The following IL1RAPL1 variants were observed in gnomAD, a reference collection of about 807,000 sequenced individuals.
IL1RAPL1 encodes interleukin 1 receptor accessory protein like 1, also known as interleukin-1 receptor accessory protein-like 1.
A neutral mutation model predicts 48.4 loss-of-function variants in IL1RAPL1; 3 were observed. That is an observed-to-expected ratio of 0.06 (90% CI 0.03 to 0.16). The LOEUF is 0.16. Ranked by LOEUF, IL1RAPL1 falls within the 10% of genes least tolerant of loss-of-function variation. The probability of loss-of-function intolerance (pLI) is 1.00; values close to 1 mark genes in which losing one functional copy is unlikely to be tolerated. For missense variants in IL1RAPL1, 349 were observed against 530.6 expected, an observed-to-expected ratio of 0.66 and a Z score of 3.36; for synonymous variants, 185 against 187.7, an observed-to-expected ratio of 0.99 and a Z score of 0.12.
chrX:29,485,453 A>G (rs1216466309), intron 5 of IL1RAPL1, among the ~76,000 whole-genome samples: 1 of 111,600 alleles, frequency 9.0e-6, no homozygotes, highest in Non-Finnish European at 1.9e-5. Context: ...ACACCTCTGC[A>G]AGGTATGTAG....
chrX:29,757,151 C>T (rs1928638515), intron 6 of IL1RAPL1, among the ~76,000 whole-genome samples: 1 of 112,335 alleles, frequency 8.9e-6, no homozygotes, highest in African/African-American at 3.2e-5. Context: ...TTCTTTGCTA[C>T]TGCAGGCCCA....
intron 2 of IL1RAPL1, among the ~76,000 whole-genome samples, chrX:28,950,813 A>C (rs1351954739): frequency 3.7e-5 from 4 of 108,071 alleles, no homozygotes; most frequent in Non-Finnish European, 7.7e-5. Flanking sequence ...CTATAAAGAC[A>C]CATGCACATG....
At chrX:29,677,925 C>T (rs937178828) in intron 6 of IL1RAPL1, among the ~76,000 whole-genome samples, 4 of 111,507 alleles carry the variant, frequency 3.6e-5, no homozygotes, top group African/African-American at 1.3e-4. Flanking sequence ...CCTTATCTGC[C>T]TTGGTTTTGT....
At chrX:29,236,814 C>T (rs1247719550) in intron 2 of IL1RAPL1, among the ~76,000 whole-genome samples, 2 of 107,592 alleles carry the variant, frequency 1.9e-5, no homozygotes, top group African/African-American at 6.8e-5. Context: ...CATGATCTGC[C>T]CACCTTGGCC....
At chrX:29,222,028 A>C (rs766679195) in intron 2 of IL1RAPL1, among the ~76,000 whole-genome samples, 1 of 108,964 alleles carries the variant, frequency 9.2e-6, no homozygotes, top group East Asian at 2.9e-4. Flanking sequence ...AAAAAAAAAA[A>C]AAAAAACCTG....
chrX:29,386,570 G>T (rs1933780918), intron 3 of IL1RAPL1, among the ~76,000 whole-genome samples: 1 of 103,594 alleles, frequency 9.7e-6, no homozygotes, highest in African/African-American at 3.6e-5. Flanking sequence ...TTGAGACAGG[G>T]TCTCATTCTT....
At chrX:28,645,286 G>A (rs1934594125) in intron 1 of IL1RAPL1, among the ~76,000 whole-genome samples, 2 of 99,951 alleles carry the variant, frequency 2.0e-5, no homozygotes, top group Admixed American at 1.1e-4. Flanking sequence ...GGTGGAGGTC[G>A]TGGTGGGCTG....
chrX:29,757,055 G>A (rs981160353), intron 6 of IL1RAPL1, among the ~76,000 whole-genome samples: 1 of 111,900 alleles, frequency 8.9e-6, no homozygotes, highest in Admixed American at 9.5e-5. Context: ...AGGGATCGTG[G>A]TTCCGCCAAC....
At chrX:28,937,205 T>C (rs190523899) in intron 2 of IL1RAPL1, among the ~76,000 whole-genome samples, 2 of 111,809 alleles carry the variant, frequency 1.8e-5, no homozygotes, top group East Asian at 5.6e-4. Flanking sequence ...TGTTACCGTT[T>C]CTATTGAATA....
chrX:28,988,371 G>C (rs1346018398), intron 2 of IL1RAPL1, among the ~76,000 whole-genome samples: 1 of 110,604 alleles, frequency 9.0e-6, no homozygotes, highest in African/African-American at 3.3e-5. Context: ...TTTTCTTCCA[G>C]TCCACTGTTT....
At chrX:28,645,215 C>T (rs1410366269) in intron 1 of IL1RAPL1, among the ~76,000 whole-genome samples, 5 of 107,134 alleles carry the variant, frequency 4.7e-5, no homozygotes, top group Admixed American at 1.0e-4. Context: ...GGTATGGTGG[C>T]GTGCTCCTGT....
At chrX:28,811,005 C>T (rs184760129) in intron 2 of IL1RAPL1, among the ~76,000 whole-genome samples, 2 of 109,757 alleles carry the variant, frequency 1.8e-5, no homozygotes, top group East Asian at 5.7e-4. Context: ...AAAATTAACC[C>T]CAGCATTCTT....
chrX:29,541,000 C>T (rs1921420309), intron 5 of IL1RAPL1, among the ~76,000 whole-genome samples: 1 of 111,896 alleles, frequency 8.9e-6, no homozygotes, highest in Admixed American at 9.5e-5. Flanking sequence ...AGACAACCTA[C>T]AGAATGGGAG....
chrX:28,979,382 G>A (rs1470936006), intron 2 of IL1RAPL1, among the ~76,000 whole-genome samples: 5 of 111,807 alleles, frequency 4.5e-5, no homozygotes, highest in African/African-American at 6.5e-5. Context: ...AGGTACTAGC[G>A]TTTTCCTTTT....
intron 2 of IL1RAPL1, among the ~76,000 whole-genome samples, chrX:28,874,937 A>G (rs1922329926): frequency 1.8e-5 from 2 of 112,156 alleles, no homozygotes; most frequent in African/African-American, 6.5e-5. Flanking sequence ...TTCTTGGTAT[A>G]TAATCAGAAG....
chrX:29,648,429 T>C (rs2147090022), intron 5 of IL1RAPL1, among the ~76,000 whole-genome samples: 1 of 111,928 alleles, frequency 8.9e-6, no homozygotes, highest in South Asian at 3.7e-4. Context: ...ACTGAAGTAA[T>C]ATCAAGTATC....
intron 2 of IL1RAPL1, among the ~76,000 whole-genome samples, chrX:29,001,897 CT>C (rs758737454): frequency 0.016 from 1,404 of 90,029 alleles, 10 homozygotes; most frequent in Non-Finnish European, 0.018. Flanking sequence ...CAATGAAGAA[CT>C]TTTTTTTTTT....
At chrX:29,882,462 G>T (rs1266674318) in intron 6 of IL1RAPL1, among the ~76,000 whole-genome samples, 1 of 111,566 alleles carries the variant, frequency 9.0e-6, no homozygotes, top group Non-Finnish European at 1.9e-5. Context: ...GACATCCAGG[G>T]TTGTGAAGAG....
At chrX:29,812,931 AC>A (rs1271995192) in intron 6 of IL1RAPL1, among the ~76,000 whole-genome samples, 1 of 111,566 alleles carries the variant, frequency 9.0e-6, no homozygotes, top group Non-Finnish European at 1.9e-5. Context: ...TATGGCTTTA[AC>A]CTTGAAACCT....
Sources: gnomAD v4.1 joint callset for allele counts (sites outside exome capture counted in the v4.1 genomes callset) on GRCh38, gnomAD v4.1.1 for gene constraint, MANE v1.5 for transcripts, NCBI Gene and HGNC (gene_info 2026-07-23, HGNC 2026-07-21) for gene names.